Variants in MARCHF7 observed in about 807,000 individuals in gnomAD.
MARCHF7 encodes the protein membrane associated ring-CH-type finger 7.
In MARCHF7, 20 loss-of-function variants were observed where a neutral mutation model predicts 76.5. The observed-to-expected ratio is 0.26, with a 90% CI of 0.18 to 0.38. The LOEUF is 0.38. Ranked by LOEUF, MARCHF7 falls within the 10% of genes least tolerant of loss-of-function variation. The pLI is 1.00. For synonymous variants in MARCHF7, 295 were observed against 293.0 expected (o/e 1.01, Z -0.07); for missense variants, 797 against 812.9 (o/e 0.98, Z 0.24).
intron 4 of MARCHF7, among the ~76,000 whole-genome samples, chr2:159,739,421 C>A (rs189066562): frequency 3.9e-5 from 6 of 152,294 alleles, no homozygotes; most frequent in Admixed American, 6.5e-5. Context: ...CAGTTACACC[C>A]AAGAGTATTG....
chr2:159,746,535 G>A (rs1316943087), intron 6 of MARCHF7, among the ~76,000 whole-genome samples: 1 of 152,200 alleles, frequency 6.6e-6, no homozygotes, highest in East Asian at 1.9e-4. Flanking sequence ...TCAAGTAGCT[G>A]GGGTTACAGG....
rs756476005 is a variant in MARCHF7, at chr2:159,743,232, A to G, written c.325A>G (p.Asn109Asp). 2 of 1,614,080 alleles carry G rather than the reference A, an allele frequency of 1.2e-6. No individual in the cohort carries two copies. The change falls in exon 5 of 12, where the codon AAT (asparagine) becomes GAT (aspartate). Residue 109 changes from asparagine to aspartate, a missense_variant. Physicochemically the swap from Asn to Asp is conservative, Grantham distance 23. This residue lies in a region of MARCHF7 where 643 missense variants were observed against 631.5 expected (regional missense o/e 1.02). Transcript: ENST00000409175. ...CTTSAGRNVG[N>D]GLNTLSDSSW... is the part of the protein sequence containing the mutation. ...TACCTCAGCTGGGAGAAATGTTGGA[A>G]ATGGTTTAAACACATTATCAGGTAA...
At chr2:159,741,601 C>T (rs1344996412) in intron 4 of MARCHF7, among the ~76,000 whole-genome samples, 1 of 152,056 alleles carries the variant, frequency 6.6e-6, no homozygotes, top group East Asian at 1.9e-4. Flanking sequence ...CTTTGATGGA[C>T]TACATTATTT....
chr2:159,748,909 T>C lies in MARCHF7; in HGVS notation c.1613+6T>C, dbSNP rs555685043. 2 of 1,586,656 alleles carry C rather than the reference T, an allele frequency of 1.3e-6. No homozygotes were observed. Among genetic ancestry groups the C allele is most frequent in the African/African-American group, 2.7e-5 (2 of 73,882 alleles). On this transcript the variant is annotated splice_donor_region_variant and intron_variant, in intron 7 of 11. Transcript: ENST00000409175. ...TTGCAGAAAATAAAAGAGAGGTAAATTCGAATACCTGTCTTAAGCCTATAA... is the reference window on the plus strand; with the variant it reads ...TTGCAGAAAATAAAAGAGAGGTAAACTCGAATACCTGTCTTAAGCCTATAA...
chr2:159,725,549 A>G (rs984543199), intron 3 of MARCHF7, among the ~76,000 whole-genome samples: 3 of 152,066 alleles, frequency 2.0e-5, no homozygotes, highest in Admixed American at 2.0e-4. Flanking sequence ...TTTCTTACGA[A>G]TTTAAGTTCT....
intron 4 of MARCHF7, chr2:159,732,786 C>T: frequency 1.1e-6 from 1 of 928,212 alleles, no homozygotes; most frequent in Non-Finnish European, 1.3e-6. Flanking sequence ...CCCACCTCAG[C>T]CTCCCAAAGT....
At chr2:159,736,367 A>C (rs1052641025) in intron 4 of MARCHF7, among the ~76,000 whole-genome samples, 7 of 152,180 alleles carry the variant, frequency 4.6e-5, no homozygotes, top group African/African-American at 1.7e-4. Context: ...TTGATGACTA[A>C]TGATGTTATA....
intron 4 of MARCHF7, among the ~76,000 whole-genome samples, chr2:159,741,442 C>T (rs1244871182): frequency 7.2e-6 from 1 of 139,596 alleles, no homozygotes; most frequent in Non-Finnish European, 1.6e-5. Context: ...TCATCTACCC[C>T]GTGAACTTCA....
Position 159,748,787 on chromosome 2 carries a change from T to C in MARCHF7, c.1497T>C (p.Asn499=). Residue 499 remains asparagine (N), a synonymous_variant, in exon 7 of 12, where the codon AAT becomes AAC. Transcript: ENST00000409175. The part of the protein sequence containing the change: ...PPALGSNLTD[N]VMITVDIIPS... ...CACTTGGGAGTAATTTGACCGACAA[T>C]GTCATGATCACAGTAGATATTATTC... The C allele has an allele frequency of 6.2e-7, 1 of 1,614,136 alleles. No individual in the cohort carries two copies. The highest frequency in any genetic ancestry group is 8.5e-7 in the Non-Finnish European group (1 of 1,180,038).
chr2:159,716,045 G>A (rs980157174), intron 3 of MARCHF7, among the ~76,000 whole-genome samples: 2 of 152,000 alleles, frequency 1.3e-5, no homozygotes, highest in African/African-American at 4.8e-5. Context: ...ATTTTCTCAT[G>A]GGATGTTAAG....
intron 1 of MARCHF7, among the ~76,000 whole-genome samples, chr2:159,713,326 G>A (rs938500335): frequency 8.5e-5 from 13 of 152,174 alleles, no homozygotes; most frequent in African/African-American, 3.1e-4. Context: ...TATTGAAGAT[G>A]TGTGTCCACC....
intron 3 of MARCHF7, 77 bp from the exon 4 acceptor site, chr2:159,728,932 T>C (rs1407324985): frequency 1.3e-6 from 1 of 799,138 alleles, no homozygotes; most frequent in Non-Finnish European, 1.8e-6. Context: ...TTATTTGAGC[T>C]GATGATTAAG....
At chr2:159,718,011 T>A (rs918495508) in intron 3 of MARCHF7, among the ~76,000 whole-genome samples, 6 of 152,248 alleles carry the variant, frequency 3.9e-5, no homozygotes, top group African/African-American at 1.4e-4. Context: ...CTGAGCTGTT[T>A]ATATGAAAAC....
intron 7 of MARCHF7, 25 bp downstream of exon 7, chr2:159,748,928 C>T: frequency 1.3e-6 from 2 of 1,519,052 alleles, no homozygotes; most frequent in Non-Finnish European, 8.8e-7. Context: ...CTGTCTTAAG[C>T]CTATAAATCA....
Position 159,748,202 on chromosome 2 carries a change from G to C in MARCHF7, c.912G>C (p.Leu304Phe), listed in dbSNP as rs1313247676. The change falls in exon 7 of 12, where the codon TTG (leucine) becomes TTC (phenylalanine). Residue 304 changes from leucine to phenylalanine, a missense_variant. Around this residue, in one of 3 missense-constraint regions of MARCHF7, gnomAD observed 643 missense variants for 631.5 expected, o/e 1.02. Transcript: ENST00000409175. Reference protein sequence around the residue: ...FFSRRSSQDSLNTRSLNSENS... With the variant: ...FFSRRSSQDSFNTRSLNSENS... ...CACGAAGATCTAGTCAGGATTCCTT[G>C]AATACAAGATCATTGAATTCTGAAA... 2 of 1,613,876 alleles carry C rather than the reference G, an allele frequency of 1.2e-6. No homozygotes were observed. The highest frequency in any genetic ancestry group is 1.7e-6 in the Non-Finnish European group (2 of 1,179,986).
chr2:159,727,812 A>G (rs13382308), intron 3 of MARCHF7, among the ~76,000 whole-genome samples: 5,671 of 152,300 alleles, frequency 0.037, 339 homozygotes, highest in African/African-American at 0.12. Context: ...GTTGGACACA[A>G]AAGAGTACTT....
At chr2:159,763,478 G>T (rs1707354336) in intron 10 of MARCHF7, among the ~76,000 whole-genome samples, 1 of 152,184 alleles carries the variant, frequency 6.6e-6, no homozygotes, top group Non-Finnish European at 1.5e-5. Flanking sequence ...TTTACTGTGT[G>T]TGCTATTAGC....
At position 159,747,977 on chromosome 2, in the gene MARCHF7, A is replaced by G. The variant is rs1180060652; in HGVS notation, c.687A>G (p.Arg229=). The G allele has an allele frequency of 1.2e-6, 2 of 1,614,138 alleles. No individual in the cohort carries two copies. Residue 229 remains arginine (R), a synonymous_variant, in exon 7 of 12, where the codon AGA becomes AGG. Coordinates refer to ENST00000409175, the MANE Select transcript of MARCHF7 (RefSeq NM_001282805.2). The part of the protein sequence containing the change: ...RNSLRSNFSS[R]ESESSRSNTQ... ...CTTTAAGATCAAATTTTTCTTCAAG[A>G]GAATCAGAATCTTCCCGAAGCAATA...
rs550388454 is a variant in MARCHF7, at chr2:159,739,832, TAAC to T, written c.154-3226_154-3224del. Reference sequence around the variant, plus strand: ...GATATGTATATCTATATGCTGATATTAACAAACATTTTTTGTCTTGGATATAGC... The same window carrying T: ...GATATGTATATCTATATGCTGATATTAAACATTTTTTGTCTTGGATATAGC... On this transcript the variant is annotated intron_variant, in intron 4 of 11. Coordinates refer to ENST00000409175, the MANE Select transcript of MARCHF7 (RefSeq NM_001282805.2). Among the ~76,000 whole-genome samples the T allele has an allele frequency of 4.1e-3, 622 of 152,328 alleles. 2 individuals carry two copies. Among genetic ancestry groups the T allele is most frequent in the African/African-American group, 0.014 (568 of 41,568 alleles).
Sources: allele counts gnomAD v4.1 joint callset (sites outside exome capture counted in the v4.1 genomes callset), GRCh38; gene constraint gnomAD v4.1.1; regional missense constraint gnomAD v4.1.1; transcripts MANE v1.5; gene names NCBI Gene and HGNC (gene_info 2026-07-23, HGNC 2026-07-21).